Variants in TRAF3 observed in about 807,000 individuals in gnomAD.
The protein encoded by TRAF3 is TNF receptor-associated factor 3.
In TRAF3, 13 loss-of-function variants were observed where a neutral mutation model predicts 62.3. That is an observed-to-expected ratio of 0.21 (90% CI 0.14 to 0.33). TRAF3 has a LOEUF of 0.33. Ranked by LOEUF, TRAF3 falls within the 10% of genes least tolerant of loss-of-function variation. The pLI, the probability that TRAF3 is intolerant of heterozygous loss-of-function variation, is 1.00. For missense variants in TRAF3, 440 were observed against 741.8 expected (o/e 0.59, Z 4.73); for synonymous variants, 269 against 283.4 (o/e 0.95, Z 0.51).
intron 9 of TRAF3, among the ~76,000 whole-genome samples, chr14:102,893,491 C>T (rs146020357): frequency 3.9e-5 from 6 of 152,110 alleles, no homozygotes; most frequent in Admixed American, 1.3e-4. Context: ...GGTTGTGGAC[C>T]GTGGTGTCAT....
chr14:102,871,789 C>A, intron 3 of TRAF3, 128 bp from the exon 4 acceptor site: 1 of 823,382 alleles, frequency 1.2e-6, no homozygotes, highest in Non-Finnish European at 2.1e-6. Flanking sequence ...CCAGGGCGTC[C>A]TGAAGCTCTG....
At chr14:102,830,077 G>A (rs1031392394) in intron 1 of TRAF3, among the ~76,000 whole-genome samples, 21 of 152,240 alleles carry the variant, frequency 1.4e-4, no homozygotes, top group Admixed American at 1.2e-3. Flanking sequence ...GTGATTTCAG[G>A]GGCCTGAGGT....
At chr14:102,875,816 C>A in intron 5 of TRAF3, 88 bp downstream of exon 5, 1 of 1,106,938 alleles carries the variant, frequency 9.0e-7, no homozygotes, top group Non-Finnish European at 1.4e-6. Flanking sequence ...TAGGATGTGG[C>A]ACTTTAAGAC....
At chr14:102,891,537 C>CA (rs995165866) in intron 9 of TRAF3, 120 bp downstream of exon 9, 329 of 1,081,954 alleles carry the variant, frequency 3.0e-4, no homozygotes, top group African/African-American at 8.8e-4. Flanking sequence ...AAGAGAATGT[C>CA]AAAAAAAACT....
intron 2 of TRAF3, among the ~76,000 whole-genome samples, chr14:102,847,293 G>A (rs1886783318): frequency 6.6e-6 from 1 of 152,094 alleles, no homozygotes; most frequent in South Asian, 2.1e-4. Flanking sequence ...TCCTGCCTTA[G>A]CCTCCCAAGT....
In TRAF3 at chr14:102,809,868, G is replaced by A. The variant is rs138847729; in HGVS notation, c.-156-20466G>A. Among the ~76,000 whole-genome samples the A allele has an allele frequency of 3.0e-3, 459 of 152,250 alleles. 2 individuals are homozygous for A. Among genetic ancestry groups the A allele is most frequent in the African/African-American group, 7.4e-3 (307 of 41,538 alleles). ...TTTAAAGACCATGTAGGCAAGAACA[G>A]ATCTTTAAAGGGAAACCTCAGTTTG... On this transcript the variant is annotated intron_variant, in intron 1 of 11. Transcript: ENST00000392745.
chr14:102,844,988 C>T (rs912647084), intron 2 of TRAF3, among the ~76,000 whole-genome samples: 1 of 152,038 alleles, frequency 6.6e-6, no homozygotes, highest in African/African-American at 2.4e-5. Context: ...AGCCCTGCCT[C>T]CTGGGTTCAC....
At chr14:102,834,094 A>G (rs1437240953) in intron 2 of TRAF3, among the ~76,000 whole-genome samples, 1 of 152,160 alleles carries the variant, frequency 6.6e-6, no homozygotes, top group Non-Finnish European at 1.5e-5. Flanking sequence ...AGAACTAGAA[A>G]AACACTGCTT....
At position 102,865,497 on chromosome 14, in the gene TRAF3, AT is replaced by A. The variant is rs558222101; in HGVS notation, c.-17-4668del. Among the ~76,000 whole-genome samples the A allele has an allele frequency of 8.1e-3, 1,085 of 133,698 alleles. 7 individuals are homozygous for A. The highest frequency in any genetic ancestry group is 0.022 in the African/African-American group (784 of 35,502). The allele number at this position is 133,698 out of a possible 152,430, so 87.7% of individuals were successfully genotyped here. Reference sequence around the variant, plus strand: ...CAGCATCACTCATAAGTTAATCTGAATTTTTTTTTTTTTTTTTTTTGAGATG... The same window carrying A: ...CAGCATCACTCATAAGTTAATCTGAATTTTTTTTTTTTTTTTTTTGAGATG... On this transcript the variant is annotated intron_variant, in intron 2 of 11. Transcript: ENST00000392745.
At chr14:102,787,231 A>G (rs538628187) in intron 1 of TRAF3, among the ~76,000 whole-genome samples, 1 of 152,312 alleles carries the variant, frequency 6.6e-6, no homozygotes, top group Non-Finnish European at 1.5e-5. Flanking sequence ...TAAAAAGGGT[A>G]AAATGTCTAG....
intron 2 of TRAF3, among the ~76,000 whole-genome samples, chr14:102,834,249 A>G (rs980474356): frequency 6.6e-6 from 1 of 152,172 alleles, no homozygotes; most frequent in African/African-American, 2.4e-5. Flanking sequence ...GTACAAAAGC[A>G]GACACGAATG....
At position 102,868,891 on chromosome 14, in the gene TRAF3, G is replaced by A. The variant is rs139318865; in HGVS notation, c.-17-1294G>A. 7.4e-3 allele frequency among the ~76,000 whole-genome samples: 1,129 copies of A among 152,268 alleles called. 45 individuals carry two copies. Among genetic ancestry groups the A allele is most frequent in the Admixed American group, 0.054 (822 of 15,304 alleles). ...TCATCTGGCAGAGCTGTGCAAGCTG[G>A]GACCTTTGTGGCTTATTTTGAGGAG... On this transcript the variant is annotated intron_variant, in intron 2 of 11. Transcript: ENST00000392745.
At chr14:102,853,561 G>A (rs1434392175) in intron 2 of TRAF3, among the ~76,000 whole-genome samples, 2 of 152,118 alleles carry the variant, frequency 1.3e-5, no homozygotes, top group Non-Finnish European at 2.9e-5. Context: ...ACGGCCGGGC[G>A]TGGTGGCTCA....
At chr14:102,842,575 A>G (rs1318953697) in intron 2 of TRAF3, among the ~76,000 whole-genome samples, 1 of 152,132 alleles carries the variant, frequency 6.6e-6, no homozygotes, top group East Asian at 1.9e-4. Flanking sequence ...ATTTGGAGAA[A>G]TAATGGCTGG....
At chr14:102,845,999 A>G (rs1480542722) in intron 2 of TRAF3, among the ~76,000 whole-genome samples, 2 of 148,852 alleles carry the variant, frequency 1.3e-5, no homozygotes, top group African/African-American at 2.5e-5. Flanking sequence ...AAAAAAAAAA[A>G]AAAAAAAAAA....
At chr14:102,808,328 G>T (rs897609753) in intron 1 of TRAF3, among the ~76,000 whole-genome samples, 2 of 152,070 alleles carry the variant, frequency 1.3e-5, no homozygotes, top group Non-Finnish European at 2.9e-5. Context: ...GCCTGGCCAA[G>T]ATGGTGAAAC....
intron 2 of TRAF3, among the ~76,000 whole-genome samples, chr14:102,850,606 A>T (rs1179510352): frequency 6.8e-6 from 1 of 147,446 alleles, no homozygotes; most frequent in East Asian, 2.1e-4. Flanking sequence ...AGGCAGGAGA[A>T]TCGTTTGAAC....
At chr14:102,861,809 C>T (rs941575509) in intron 2 of TRAF3, among the ~76,000 whole-genome samples, 2 of 152,192 alleles carry the variant, frequency 1.3e-5, no homozygotes, top group African/African-American at 4.8e-5. Flanking sequence ...TGATATTGGA[C>T]ATCTTTTTAT....
chr14:102,879,888 A>G (rs1027015836), intron 6 of TRAF3, among the ~76,000 whole-genome samples: 5 of 152,026 alleles, frequency 3.3e-5, no homozygotes, highest in African/African-American at 4.8e-5. Context: ...AGGCTGAAAC[A>G]GGAGGATCAC....
Sources: gnomAD v4.1 joint callset for allele counts (sites outside exome capture counted in the v4.1 genomes callset) on GRCh38, gnomAD v4.1.1 for gene constraint, MANE v1.5 for transcripts, NCBI Gene and HGNC (gene_info 2026-07-23, HGNC 2026-07-21) for gene names.